INTS4: variants seen among roughly 807,000 people sequenced by gnomAD.
INTS4 encodes the protein integrator complex subunit 4.
In INTS4, 70 loss-of-function variants were observed where a neutral mutation model predicts 119.5. The ratio of observed to expected loss-of-function variants is 0.59; its 90% CI spans 0.48 to 0.71. The LOEUF is 0.71. Among genes scored for constraint, INTS4 ranks in the 30% least tolerant of loss-of-function variants. The pLI is 0.00. For synonymous variants in INTS4, 316 were observed against 419.6 expected, an observed-to-expected ratio of 0.75 and a Z score of 3.02; for missense variants, 867 against 1,173.2, an observed-to-expected ratio of 0.74 and a Z score of 3.81.
intron 16 of INTS4, among the ~76,000 whole-genome samples, chr11:77,904,549 T>C (rs1183501290): frequency 6.6e-6 from 1 of 152,248 alleles, no homozygotes; most frequent in Admixed American, 6.5e-5. Context: ...CACATCTCAG[T>C]TTGGACTAAC....
downstream of INTS4, among the ~76,000 whole-genome samples, chr11:77,878,319 G>C (rs1470350370): frequency 6.7e-6 from 1 of 150,108 alleles, no homozygotes; most frequent in Non-Finnish European, 1.5e-5. Context: ...CCAAGATCAC[G>C]CCACTGCACT....
chr11:77,878,688 G>C (rs773860455), downstream of INTS4: 4 of 682,054 alleles, frequency 5.9e-6, no homozygotes, highest in African/African-American at 5.4e-5. Context: ...ATAGCCACAC[G>C]CATTTCTTTA....
intron 15 of INTS4, 110 bp from the exon 16 acceptor site, chr11:77,907,920 T>C: frequency 1.5e-6 from 1 of 673,196 alleles, no homozygotes; most frequent in South Asian, 1.9e-5. Flanking sequence ...CAGTCATACA[T>C]TTTTAAATGA....
chr11:77,900,812 A>C, intron 18 of INTS4: 1 of 589,680 alleles, frequency 1.7e-6, no homozygotes, highest in Admixed American at 3.0e-5. Context: ...AGTCTTACAG[A>C]TATAATTACA....
At chr11:77,971,362 T>C (rs1054180016) in intron 4 of INTS4, among the ~76,000 whole-genome samples, 3 of 152,038 alleles carry the variant, frequency 2.0e-5, no homozygotes, top group Admixed American at 6.6e-5. Context: ...TAAATACAAT[T>C]ACCAGCTGGG....
At chr11:77,986,659 A>T (rs1471215531) in intron 2 of INTS4, among the ~76,000 whole-genome samples, 1 of 152,216 alleles carries the variant, frequency 6.6e-6, no homozygotes, top group African/African-American at 2.4e-5. Flanking sequence ...ATGCAGCCAT[A>T]AAAAAGGATG....
At chr11:77,942,780 T>C (rs922990062) in intron 8 of INTS4, among the ~76,000 whole-genome samples, 1 of 152,190 alleles carries the variant, frequency 6.6e-6, no homozygotes, top group Non-Finnish European at 1.5e-5. Context: ...CTTCTCTAAT[T>C]CCTAAGTTAA....
chr11:77,902,075 T>A (rs777137408), intron 17 of INTS4, among the ~76,000 whole-genome samples: 4 of 152,206 alleles, frequency 2.6e-5, no homozygotes, highest in Non-Finnish European at 4.4e-5. Flanking sequence ...CTCGGTTCTA[T>A]CCAAATAAGC....
intron 15 of INTS4, among the ~76,000 whole-genome samples, chr11:77,908,305 C>T (rs1036215706): frequency 2.0e-5 from 3 of 149,486 alleles, no homozygotes; most frequent in East Asian, 2.0e-4. Flanking sequence ...GGTATACACG[C>T]GTCATGATGG....
intron 15 of INTS4, among the ~76,000 whole-genome samples, chr11:77,913,960 T>A (rs1400365704): frequency 1.3e-5 from 2 of 152,148 alleles, no homozygotes; most frequent in Non-Finnish European, 2.9e-5. Context: ...ACTGATCTAA[T>A]CTCATGTGAT....
intron 4 of INTS4, among the ~76,000 whole-genome samples, chr11:77,968,516 T>C (rs1855585948): frequency 6.6e-6 from 1 of 152,176 alleles, no homozygotes. Flanking sequence ...AGTTATTGTT[T>C]AATGGGTATA....
intron 7 of INTS4, among the ~76,000 whole-genome samples, chr11:77,958,246 AAATAT>A (rs1954380322): frequency 6.6e-6 from 1 of 151,342 alleles, no homozygotes; most frequent in Non-Finnish European, 1.5e-5. Context: ...AAACATTTAT[AAATAT>A]AATATTCTAT....
intron 21 of INTS4, among the ~76,000 whole-genome samples, chr11:77,887,253 C>A (rs1247418749): frequency 6.6e-6 from 1 of 152,164 alleles, no homozygotes; most frequent in African/African-American, 2.4e-5. Context: ...CCCTGGGATG[C>A]AAGGCTGGTT....
chr11:77,918,153 C>T (rs919728942), intron 15 of INTS4: 57 of 700,090 alleles, frequency 8.1e-5, no homozygotes, highest in African/African-American at 6.1e-4. Flanking sequence ...GAGCCTAGGC[C>T]GGGCACAGTG....
Position 77,994,666 on chromosome 11 carries a change from C to T in INTS4, c.-23G>A, listed in dbSNP as rs375619249. 2.5e-6 allele frequency: 4 copies of T among 1,613,650 alleles called. No homozygotes were observed. The highest frequency in any genetic ancestry group is 4.5e-5 in the East Asian group (2 of 44,866). On this transcript the variant is annotated 5_prime_UTR_variant, in exon 1 of 23. Coordinates refer to ENST00000534064, the MANE Select transcript of INTS4 (RefSeq NM_033547.4). ...CATGCCTACCCGCGGGCCCTCTCAG[C>T]TTCCGTACACTAGGAGGGAGGCGGG...
intron 2 of INTS4, among the ~76,000 whole-genome samples, chr11:77,986,395 T>C (rs1167482199): frequency 6.6e-6 from 1 of 152,162 alleles, no homozygotes; most frequent in East Asian, 1.9e-4. Context: ...GTTGGGAGTG[T>C]AAATTAGTTC....
intron 22 of INTS4, among the ~76,000 whole-genome samples, chr11:77,883,222 T>C (rs1951862093): frequency 1.3e-5 from 2 of 152,112 alleles, no homozygotes; most frequent in Admixed American, 6.6e-5. Context: ...TCCTGAACCA[T>C]CTCCAATTAT....
intron 10 of INTS4, among the ~76,000 whole-genome samples, chr11:77,936,425 C>T (rs1030214327): frequency 1.6e-4 from 25 of 152,138 alleles, no homozygotes; most frequent in African/African-American, 5.6e-4. Context: ...CTCTGTCACC[C>T]AGACTGGAGT....
intron 20 of INTS4, 42 bp downstream of exon 20, chr11:77,891,639 G>A (rs781542072): frequency 1.1e-5 from 17 of 1,604,974 alleles, no homozygotes; most frequent in Middle Eastern, 2.3e-4. Context: ...ATTTTTGACC[G>A]TCTGGACAGA....
Sources: gnomAD v4.1 joint callset for allele counts (sites outside exome capture counted in the v4.1 genomes callset) on GRCh38, gnomAD v4.1.1 for gene constraint, MANE v1.5 for transcripts, NCBI Gene and HGNC (gene_info 2026-07-23, HGNC 2026-07-21) for gene names.